Variants in COL23A1 observed in about 807,000 individuals in gnomAD.
COL23A1 encodes the protein collagen type XXIII alpha 1 chain.
In COL23A1, 97 loss-of-function variants were observed where a neutral mutation model predicts 99.3. That is an observed-to-expected ratio of 0.98 (90% CI 0.83 to 1.16). The LOEUF is 1.16. Ranked by LOEUF, COL23A1 falls within the 50% of genes most tolerant of loss-of-function variation. COL23A1 has a pLI of 0.00. For synonymous variants in COL23A1, 320 were observed against 308.2 expected (o/e 1.04, Z -0.40); for missense variants, 762 against 757.4 (o/e 1.01, Z -0.07).
At chr5:178,497,204 A>G (rs1463715934) in intron 2 of COL23A1, among the ~76,000 whole-genome samples, 1 of 152,236 alleles carries the variant, frequency 6.6e-6, no homozygotes, top group African/African-American at 2.4e-5. Flanking sequence ...TGAGCTGTGC[A>G]GTGCCAGAGC....
At chr5:178,327,532 C>T (rs1177355965) in intron 2 of COL23A1, among the ~76,000 whole-genome samples, 2 of 152,134 alleles carry the variant, frequency 1.3e-5, no homozygotes, top group Non-Finnish European at 2.9e-5. Context: ...TGGGCTGGTT[C>T]AGACTCGCCA....
intron 2 of COL23A1, among the ~76,000 whole-genome samples, chr5:178,397,893 A>T (rs1004676299): frequency 1.4e-4 from 21 of 152,304 alleles, no homozygotes; most frequent in African/African-American, 5.1e-4. Flanking sequence ...AGGCTGAGGC[A>T]GGAGAACAGC....
At chr5:178,528,336 C>T (rs2036223) in intron 2 of COL23A1, among the ~76,000 whole-genome samples, 54,604 of 152,130 alleles carry the variant, frequency 0.36, 11,405 homozygotes, top group Admixed American at 0.49. Flanking sequence ...GTCTCCGCTG[C>T]CCCCTTTTCT....
chr5:178,276,438 G>T (rs1051506262), intron 5 of COL23A1, among the ~76,000 whole-genome samples: 11 of 152,250 alleles, frequency 7.2e-5, no homozygotes, highest in African/African-American at 2.4e-4. Flanking sequence ...GGCTTACCAG[G>T]ATTATCAGGC....
At chr5:178,473,393 C>A (rs1756862853) in intron 2 of COL23A1, among the ~76,000 whole-genome samples, 1 of 151,758 alleles carries the variant, frequency 6.6e-6, no homozygotes, top group Non-Finnish European at 1.5e-5. Flanking sequence ...CTCCCAGGCC[C>A]AAATGACCCT....
chr5:178,533,751 C>A (rs1452068551), intron 2 of COL23A1, among the ~76,000 whole-genome samples: 1 of 152,220 alleles, frequency 6.6e-6, no homozygotes, highest in Non-Finnish European at 1.5e-5. Context: ...CCTGCCTCAG[C>A]CTCCCAAAGT....
chr5:178,508,209 T>C (rs1758988543), intron 2 of COL23A1, among the ~76,000 whole-genome samples: 1 of 152,228 alleles, frequency 6.6e-6, no homozygotes, highest in South Asian at 2.1e-4. Context: ...ATTTTGTTTG[T>C]ATCTTTTCCA....
At chr5:178,265,673 G>A (rs1295230740) in intron 8 of COL23A1, 4 of 985,754 alleles carry the variant, frequency 4.1e-6, no homozygotes, top group Non-Finnish European at 4.8e-6. Flanking sequence ...TCCGGCGATT[G>A]TACAGGTGAT....
chr5:178,381,797 G>A (rs546226012), intron 2 of COL23A1, among the ~76,000 whole-genome samples: 8 of 152,268 alleles, frequency 5.3e-5, no homozygotes, highest in Non-Finnish European at 7.4e-5. Context: ...CACCACGCCC[G>A]GCTGATTTTT....
intron 2 of COL23A1, among the ~76,000 whole-genome samples, chr5:178,448,425 C>T (rs1412676418): frequency 6.6e-6 from 1 of 151,222 alleles, no homozygotes; most frequent in Non-Finnish European, 1.5e-5. Flanking sequence ...CCGTTTTGTT[C>T]TGTTAGTGCT....
chr5:178,260,861 C>T (rs1765588407), intron 11 of COL23A1, among the ~76,000 whole-genome samples: 2 of 152,156 alleles, frequency 1.3e-5, no homozygotes, highest in South Asian at 4.1e-4. Context: ...AGGCGGAGAA[C>T]AGAGCATGTT....
chr5:178,325,578 CTT>C (rs1759604349), intron 2 of COL23A1, among the ~76,000 whole-genome samples: 2 of 152,050 alleles, frequency 1.3e-5, no homozygotes, highest in South Asian at 4.1e-4. Flanking sequence ...GCTGCTTACT[CTT>C]GGGCCAGGGA....
chr5:178,358,705 G>GTGTGTATGTGTGTA (rs1327507728), intron 2 of COL23A1, among the ~76,000 whole-genome samples: 1 of 148,078 alleles, frequency 6.8e-6, no homozygotes, highest in Admixed American at 6.7e-5. Context: ...GTATGTGTAT[G>GTGTGTATGTGTGTA]TGTGTATGTG....
At chr5:178,346,942 A>G (rs1412630298) in intron 2 of COL23A1, among the ~76,000 whole-genome samples, 1 of 152,124 alleles carries the variant, frequency 6.6e-6, no homozygotes, top group Non-Finnish European at 1.5e-5. Flanking sequence ...CCAAGGCATG[A>G]TTTTCCTCAG....
intron 2 of COL23A1, among the ~76,000 whole-genome samples, chr5:178,461,059 C>A (rs1158257894): frequency 1.3e-5 from 2 of 152,190 alleles, no homozygotes; most frequent in African/African-American, 4.8e-5. Flanking sequence ...CAGAAACAAG[C>A]CACTTTACAT....
chr5:178,247,742 G>A (rs370109953), intron 21 of COL23A1, 33 bp downstream of exon 21: 268 of 1,608,076 alleles, frequency 1.7e-4, no homozygotes, highest in Non-Finnish European at 2.2e-4. Flanking sequence ...TTTCCTGGCT[G>A]CTTCAAACCA....
chr5:178,385,503 C>T (rs1317234897), intron 2 of COL23A1, among the ~76,000 whole-genome samples: 3 of 152,186 alleles, frequency 2.0e-5, no homozygotes, highest in Non-Finnish European at 4.4e-5. Flanking sequence ...CTGTTGGAGC[C>T]CCTGGAGCCT....
At chr5:178,267,738 C>A (rs1319348917) in intron 7 of COL23A1, among the ~76,000 whole-genome samples, 1 of 152,212 alleles carries the variant, frequency 6.6e-6, no homozygotes, top group African/African-American at 2.4e-5. Flanking sequence ...GACACCAGTT[C>A]TCTCTGGTTT....
chr5:178,372,340 G>A (rs1178831021), intron 2 of COL23A1, among the ~76,000 whole-genome samples: 1 of 152,210 alleles, frequency 6.6e-6, no homozygotes, highest in Admixed American at 6.5e-5. Context: ...TCTTATTAAA[G>A]TTTTTAGTCC....
Sources: allele counts gnomAD v4.1 joint callset (sites outside exome capture counted in the v4.1 genomes callset), GRCh38; gene constraint gnomAD v4.1.1; transcripts MANE v1.5; gene names NCBI Gene and HGNC (gene_info 2026-07-23, HGNC 2026-07-21).